The following ADCY5 variants were observed in gnomAD, a reference collection of about 807,000 sequenced individuals.
ADCY5 encodes the protein adenylate cyclase type 5.
In ADCY5, 30 loss-of-function variants were observed where a neutral mutation model predicts 119.7. The observed-to-expected ratio is 0.25, with a 90% CI of 0.19 to 0.34. ADCY5 has a LOEUF of 0.34. Among genes scored for constraint, ADCY5 ranks in the 10% least tolerant of loss-of-function variants. The pLI is 1.00. For synonymous variants in ADCY5, 753 were observed against 762.2 expected (o/e 0.99, Z 0.20); for missense variants, 1,324 against 1,775.2 (o/e 0.75, Z 4.57).
At position 123,284,660 on chromosome 3, in the gene ADCY5, CCCTTGA is replaced by C. The variant is rs1452076733; in HGVS notation, c.3728_3733del (p.Val1243_Lys1244del). On this transcript the variant is annotated inframe_deletion, in exon 21 of 21. Transcript: ENST00000462833. The stretch of plus-strand genomic sequence containing the variant: ...GAAGTAGGTCATCATCTCGCCTTTG[CCCTTGA>C]CCTTGACCACGCCCCGGCACTCCAG... 9.9e-6 allele frequency: 16 copies of C among 1,614,134 alleles called. No homozygotes were observed. Among genetic ancestry groups the C allele is most frequent in the Admixed American group, 3.3e-5 (2 of 60,018 alleles).
chr3:123,366,188 G>C (rs1052469761), intron 1 of ADCY5, among the ~76,000 whole-genome samples: 13 of 152,328 alleles, frequency 8.5e-5, no homozygotes, highest in Admixed American at 8.5e-4. Context: ...GGAATAGCTG[G>C]AAGGATATAT....
chr3:123,399,806 T>G (rs1298124574), intron 1 of ADCY5, among the ~76,000 whole-genome samples: 1 of 152,316 alleles, frequency 6.6e-6, no homozygotes, highest in East Asian at 1.9e-4. Context: ...GCACATTTCA[T>G]TTGTACTGCT....
chr3:123,417,321 A>G (rs1409054453), intron 1 of ADCY5, among the ~76,000 whole-genome samples: 2 of 152,172 alleles, frequency 1.3e-5, no homozygotes, highest in African/African-American at 4.8e-5. Flanking sequence ...AGAGGCTCCC[A>G]CCTTCTCTCC....
intron 1 of ADCY5, among the ~76,000 whole-genome samples, chr3:123,445,587 G>C (rs1208192372): frequency 6.6e-6 from 1 of 152,208 alleles, no homozygotes; most frequent in Non-Finnish European, 1.5e-5. Flanking sequence ...GGTCAAAAGA[G>C]TTGGGGCTTT....
chr3:123,423,477 T>C (rs1265746968), intron 1 of ADCY5, among the ~76,000 whole-genome samples: 2 of 152,290 alleles, frequency 1.3e-5, no homozygotes, highest in African/African-American at 4.8e-5. Flanking sequence ...ACTGGGCAGC[T>C]TCTGCATCTC....
At chr3:123,324,110 C>T (rs1428283659) in intron 8 of ADCY5, among the ~76,000 whole-genome samples, 1 of 152,158 alleles carries the variant, frequency 6.6e-6, no homozygotes, top group East Asian at 1.9e-4. Flanking sequence ...CAAGAGGTGT[C>T]TCTACTGTCA....
intron 8 of ADCY5, among the ~76,000 whole-genome samples, chr3:123,321,181 G>A (rs970618514): frequency 1.3e-5 from 2 of 152,068 alleles, no homozygotes; most frequent in African/African-American, 4.8e-5. Flanking sequence ...TCTGTCACAC[G>A]GACACACTCA....
At chr3:123,403,635 TC>T (rs1944831768) in intron 1 of ADCY5, among the ~76,000 whole-genome samples, 1 of 152,032 alleles carries the variant, frequency 6.6e-6, no homozygotes, top group Non-Finnish European at 1.5e-5. Context: ...TGCCCTCTCC[TC>T]CCAATCCCCC....
At chr3:123,408,049 C>T (rs1944948985) in intron 1 of ADCY5, among the ~76,000 whole-genome samples, 1 of 151,904 alleles carries the variant, frequency 6.6e-6, no homozygotes, top group Non-Finnish European at 1.5e-5. Context: ...CAATTATGTA[C>T]AGAATTATGT....
intron 4 of ADCY5, among the ~76,000 whole-genome samples, chr3:123,332,330 G>T (rs1469012342): frequency 2.6e-5 from 4 of 152,244 alleles, no homozygotes; most frequent in East Asian, 1.9e-4. Flanking sequence ...TCTCGCTTGT[G>T]GTCAGCGACA....
At chr3:123,305,048 C>T (rs953232894) in intron 12 of ADCY5, among the ~76,000 whole-genome samples, 1 of 152,144 alleles carries the variant, frequency 6.6e-6, no homozygotes, top group African/African-American at 2.4e-5. Flanking sequence ...ATAAAACCCC[C>T]CAAGGGCAGA....
chr3:123,436,873 G>A (rs1186934035), intron 1 of ADCY5, among the ~76,000 whole-genome samples: 2 of 152,198 alleles, frequency 1.3e-5, no homozygotes, highest in East Asian at 3.9e-4. Context: ...ACGGAGGTCT[G>A]CACTTCATAT....
At chr3:123,332,390 G>A (rs574996965) in intron 4 of ADCY5, among the ~76,000 whole-genome samples, 174 bp downstream of exon 4, 2 of 152,384 alleles carry the variant, frequency 1.3e-5, no homozygotes, top group South Asian at 2.1e-4. Flanking sequence ...CACGCAGGGC[G>A]TGAGGACACA....
At chr3:123,325,209 G>A in intron 8 of ADCY5, 113 bp downstream of exon 8, 1 of 1,385,280 alleles carries the variant, frequency 7.2e-7, no homozygotes, top group Non-Finnish European at 9.8e-7. Flanking sequence ...ATTTGCTTGT[G>A]TGGCTCCCCA....
chr3:123,392,377 C>A (rs1320681125), intron 1 of ADCY5, among the ~76,000 whole-genome samples: 1 of 152,102 alleles, frequency 6.6e-6, no homozygotes, highest in Non-Finnish European at 1.5e-5. Context: ...GTTCTGGGAG[C>A]TCCTGGAAGG....
intron 1 of ADCY5, among the ~76,000 whole-genome samples, chr3:123,396,973 A>C (rs1252832997): frequency 6.6e-6 from 1 of 152,132 alleles, no homozygotes; most frequent in Non-Finnish European, 1.5e-5. Flanking sequence ...ACTTCTGTAC[A>C]ATGTGAGCTC....
chr3:123,415,510 T>C (rs963788329), intron 1 of ADCY5, among the ~76,000 whole-genome samples: 1 of 152,284 alleles, frequency 6.6e-6, no homozygotes, highest in Admixed American at 6.5e-5. Flanking sequence ...TGGCGGCCCC[T>C]GGGAGAACTA....
chr3:123,432,468 A>C (rs1017064836), intron 1 of ADCY5, among the ~76,000 whole-genome samples: 17 of 152,196 alleles, frequency 1.1e-4, no homozygotes, highest in African/African-American at 3.9e-4. Flanking sequence ...GCCTGACAGC[A>C]CAGTGGCGGA....
intron 1 of ADCY5, among the ~76,000 whole-genome samples, chr3:123,378,000 A>T (rs1470275841): frequency 6.6e-6 from 1 of 152,174 alleles, no homozygotes; most frequent in African/African-American, 2.4e-5. Context: ...GAACAAACAA[A>T]ACAATCAAAC....
Sources: gnomAD v4.1 joint callset for allele counts (sites outside exome capture counted in the v4.1 genomes callset) on GRCh38, gnomAD v4.1.1 for gene constraint, MANE v1.5 for transcripts, NCBI Gene and HGNC (gene_info 2026-07-23, HGNC 2026-07-21) for gene names.